XDH: variants seen among roughly 807,000 people sequenced by gnomAD.
The protein encoded by XDH is xanthine dehydrogenase/oxidase.
In XDH, 138 loss-of-function variants were observed where a neutral mutation model predicts 156.1. The ratio of observed to expected loss-of-function variants is 0.88; its 90% CI spans 0.77 to 1.02. XDH has a LOEUF of 1.02. Ranked by LOEUF, XDH falls within the 50% of genes least tolerant of loss-of-function variation. The pLI, the probability that XDH is intolerant of heterozygous loss-of-function variation, is 0.00. For missense variants in XDH, 1,849 were observed against 1,684.9 expected (o/e 1.10, Z -1.71); for synonymous variants, 669 against 625.7 (o/e 1.07, Z -1.03).
Position 31,349,958 on chromosome 2 carries a change from C to T in XDH, c.2823+74G>A, listed in dbSNP as rs1303491046. The T allele has an allele frequency of 1.9e-6, 3 of 1,611,418 alleles. No individual in the cohort carries two copies. In the African/African-American group the frequency reaches 4.0e-5, roughly 22 times the overall value. ...CTGTCATCTGCCCCCATGGGAGATG[C>T]CCAAGATACAAAGCCGCTGTCCCCC... On this transcript the variant is annotated intron_variant, in intron 25 of 35. Coordinates refer to ENST00000379416, the MANE Select transcript of XDH (RefSeq NM_000379.4).
Position 31,355,658 on chromosome 2 carries a change from T to TA in XDH, c.2632-5436dup, listed in dbSNP as rs1361496058. ...GATACTTTTAATAAAAATGGAATATTAAAAAAAATGTCCAAGTAACCCACC... is the reference window on the plus strand; with the variant it reads ...GATACTTTTAATAAAAATGGAATATTAAAAAAAAATGTCCAAGTAACCCACC... On this transcript the variant is annotated intron_variant, in intron 24 of 35. Transcript: ENST00000379416. Among the ~76,000 whole-genome samples, 15 of 151,448 alleles carry TA rather than the reference T, an allele frequency of 9.9e-5. No homozygotes were observed. In the South Asian group the frequency reaches 2.9e-3, roughly 29 times the overall value.
intron 33 of XDH, among the ~76,000 whole-genome samples, chr2:31,340,687 C>A (rs1479025091): frequency 1.3e-5 from 2 of 152,128 alleles, no homozygotes; most frequent in Admixed American, 1.3e-4. Flanking sequence ...CCAAGCTGGT[C>A]TCGAACTCCT....
rs775041275 is a variant in XDH, at chr2:31,335,977, G to A, written c.3983C>T (p.Pro1328Leu). 1 of 1,614,168 alleles carries A rather than the reference G, an allele frequency of 6.2e-7. No individual in the cohort carries two copies. The highest frequency in any genetic ancestry group is 8.5e-7 in the Non-Finnish European group (1 of 1,180,030). The change falls in exon 36 of 36, where the codon CCC becomes CTC. Residue 1328 changes from proline to leucine, a missense_variant. Pro to Leu is a moderately conservative substitution (Grantham distance 98). Transcript: ENST00000379416. ...CVTGVPENCK[P>L]WSVRV ...CTCTCTTTAGACCCTCACAGACCAG[G>A]GTTTGCAGTTTTCTGGGACACCAGT...
intron 24 of XDH, among the ~76,000 whole-genome samples, chr2:31,356,468 G>C (rs12712315): frequency 0.74 from 112,833 of 152,074 alleles, 41,944 homozygotes; most frequent in East Asian, 0.85. Context: ...CTCTGTAAGA[G>C]AGAAGTATGT....
At chr2:31,380,713 T>G (rs1327570058) in intron 12 of XDH, among the ~76,000 whole-genome samples, 2 of 152,240 alleles carry the variant, frequency 1.3e-5, no homozygotes, top group Non-Finnish European at 2.9e-5. Context: ...TTGCTGATTT[T>G]GCATCCTCCT....
In XDH at chr2:31,403,339, C is replaced by T. The variant is rs1042916176; in HGVS notation, c.101-195G>A. Among the ~76,000 whole-genome samples, 23 of 152,334 alleles carry T rather than the reference C, an allele frequency of 1.5e-4. 1 individual carries two copies. The highest frequency in any genetic ancestry group is 1.2e-3 in the East Asian group (6 of 5,184). ...CTGCACCCTAGGGAGGCAGGGAACA[C>T]GGCCATCTCCACTGCACAGAAGAGC... On this transcript the variant is annotated intron_variant, in intron 2 of 35. Coordinates refer to ENST00000379416, the MANE Select transcript of XDH (RefSeq NM_000379.4).
chr2:31,401,324 A>T lies in XDH; in HGVS notation c.202T>A (p.Phe68Ile), dbSNP rs1223020066. Reference sequence around the variant, plus strand: ...GGGGCCAGGCAGGCATTGGCAGAAAAGTGGCTAGAACCCCAGATTAAGGTC... The same window carrying T: ...GGGGCCAGGCAGGCATTGGCAGAAATGTGGCTAGAACCCCAGATTAAGGTC... ...YDRLQNKIVH[F>I]SANACLAPIC... The change falls in exon 4 of 36, where the codon TTT (phenylalanine) becomes ATT (isoleucine). Residue 68 changes from phenylalanine to isoleucine, a missense_variant. Transcript: ENST00000379416. The T allele has an allele frequency of 1.2e-6, 2 of 1,614,152 alleles. No homozygotes were observed. The highest frequency in any genetic ancestry group is 1.7e-5 in the Admixed American group (1 of 60,024).
chr2:31,385,898 C>T (rs1686576070), intron 9 of XDH, among the ~76,000 whole-genome samples: 1 of 152,162 alleles, frequency 6.6e-6, no homozygotes, highest in Non-Finnish European at 1.5e-5. Context: ...ATTTATGGAA[C>T]CTCTAGTGTC....
chr2:31,373,919 G>T lies in XDH; in HGVS notation c.1640C>A (p.Thr547Asn), dbSNP rs929608536. ...GKLDPTFASA[T>N]LLFQKDPPAD... Reference sequence around the variant, plus strand: ...TGGGGGGTCTTTCTGAAACAGTAAAGTTGCACTGGCGAAAGTGGGGTCCAG... The same window carrying T: ...TGGGGGGTCTTTCTGAAACAGTAAATTTGCACTGGCGAAAGTGGGGTCCAG... The change falls in exon 16 of 36, where the codon ACT becomes AAT. Residue 547 changes from threonine (T) to asparagine (N), a missense_variant. Physicochemically the swap from Thr to Asn is moderately conservative, Grantham distance 65. Coordinates refer to ENST00000379416, the MANE Select transcript of XDH (RefSeq NM_000379.4). 2.5e-6 allele frequency: 4 copies of T among 1,614,026 alleles called. No individual in the cohort carries two copies. The highest frequency in any genetic ancestry group is 1.7e-5 in the Admixed American group (1 of 60,012).
At position 31,367,001 on chromosome 2, in the gene XDH, A is replaced by T. The variant is rs750072647; in HGVS notation, c.2198-7T>A. 53 of 1,614,010 alleles carry T rather than the reference A, an allele frequency of 3.3e-5. No individual in the cohort carries two copies. The highest frequency in any genetic ancestry group is 4.3e-5 in the Non-Finnish European group (51 of 1,179,978). On this transcript the variant is annotated splice_polypyrimidine_tract_variant and splice_region_variant and intron_variant, in intron 20 of 35. Transcript: ENST00000379416. ...CCACCGATGTATATCTCCCCTGGGG[A>T]AGCAGTGAGATCCCTCACAGTGAGC...
chr2:31,387,075 T>C (rs1394553881), intron 8 of XDH, among the ~76,000 whole-genome samples: 1 of 152,024 alleles, frequency 6.6e-6, no homozygotes, highest in Non-Finnish European at 1.5e-5. Context: ...CTAGGAAGGC[T>C]GGCTTTAGTG....
intron 1 of XDH, among the ~76,000 whole-genome samples, chr2:31,407,553 A>T (rs1363167083): frequency 2.0e-5 from 3 of 152,202 alleles, no homozygotes; most frequent in Non-Finnish European, 2.9e-5. Context: ...TGAGACATGC[A>T]TGCAAATATT....
chr2:31,387,962 A>G (rs1356846348), intron 7 of XDH, 65 bp from the exon 8 acceptor site: 6 of 1,508,760 alleles, frequency 4.0e-6, no homozygotes, highest in Admixed American at 3.9e-5. Flanking sequence ...AAGAGGACCA[A>G]TTCAGCCTTT....
At chr2:31,403,199 GC>G (rs1687108261) in intron 2 of XDH, 55 bp from the exon 3 acceptor site, 1 of 1,581,152 alleles carries the variant, frequency 6.3e-7, no homozygotes. Context: ...CTGCTGGGTT[GC>G]TAGGAAATGC....
At chr2:31,342,382 T>A (rs1465504997) in intron 31 of XDH, 85 bp from the exon 32 acceptor site, 1 of 1,195,574 alleles carries the variant, frequency 8.4e-7, no homozygotes, top group Non-Finnish European at 1.2e-6. Flanking sequence ...ACCCACAACA[T>A]CTTTAAACCC....
chr2:31,348,165 G>GCCAGGT, intron 28 of XDH, 103 bp downstream of exon 28: 1 of 1,201,248 alleles, frequency 8.3e-7, no homozygotes, highest in Non-Finnish European at 1.2e-6. Flanking sequence ...CAGGGCCAGG[G>GCCAGGT]CCAGACCCCG....
rs867081827 is a variant in XDH at position 31,372,211 on chromosome 2, C to T, written c.1856+17G>A. On this transcript the variant is annotated intron_variant, in intron 17 of 35. Transcript: ENST00000379416. ...CCTCACAGCATTCCACCAGCTCCTC[C>T]TGGCGGTGTCACTCACTTGATCTTG... 6.2e-7 allele frequency: 1 copy of T among 1,614,070 alleles called. No homozygotes were observed. Among genetic ancestry groups the T allele is most frequent in the Non-Finnish European group, 8.5e-7 (1 of 1,180,016 alleles).
intron 24 of XDH, among the ~76,000 whole-genome samples, chr2:31,353,615 TC>T (rs2148759060): frequency 6.6e-6 from 1 of 152,242 alleles, no homozygotes; most frequent in Admixed American, 6.5e-5. Flanking sequence ...GAGCTGGCAA[TC>T]CAGAAATGCC....
intron 2 of XDH, among the ~76,000 whole-genome samples, chr2:31,404,292 T>C (rs60120427): frequency 6.6e-6 from 1 of 152,214 alleles, no homozygotes; most frequent in African/African-American, 2.4e-5. Flanking sequence ...TCAAACAACT[T>C]TGGGGGCACC....
Sources: gnomAD v4.1 joint callset for allele counts (sites outside exome capture counted in the v4.1 genomes callset) on GRCh38, gnomAD v4.1.1 for gene constraint, MANE v1.5 for transcripts, NCBI Gene and HGNC (gene_info 2026-07-23, HGNC 2026-07-21) for gene names.